The following PRKN variants were observed in gnomAD, a reference collection of about 807,000 sequenced individuals.
PRKN encodes parkin RBR E3 ubiquitin protein ligase.
In PRKN, 56 loss-of-function variants were observed where a neutral mutation model predicts 59.5. That is an observed-to-expected ratio of 0.94 (90% CI 0.76 to 1.18). The LOEUF (loss-of-function observed/expected upper bound fraction) is 1.18, where lower values mean the gene tolerates loss of function less well. PRKN is among the 50% of genes most tolerant of loss of function. The pLI, the probability that PRKN is intolerant of heterozygous loss-of-function variation, is 0.00. For synonymous variants in PRKN, 250 were observed against 222.1 expected (o/e 1.13, Z -1.12); for missense variants, 657 against 596.4 (o/e 1.10, Z -1.06).
At chr6:161,437,179 C>T (rs1206379356) in intron 9 of PRKN, among the ~76,000 whole-genome samples, 1 of 152,144 alleles carries the variant, frequency 6.6e-6, no homozygotes, top group Admixed American at 6.5e-5. Flanking sequence ...GGTGCGAGGA[C>T]CACGACACAA....
chr6:162,185,996 G>T (rs1037373243), intron 4 of PRKN, among the ~76,000 whole-genome samples: 3 of 151,904 alleles, frequency 2.0e-5, no homozygotes, highest in Non-Finnish European at 4.4e-5. Context: ...CATGTGGTTT[G>T]AGAGCCCACC....
At chr6:162,438,829 T>C (rs913713317) in intron 2 of PRKN, among the ~76,000 whole-genome samples, 1 of 152,218 alleles carries the variant, frequency 6.6e-6, no homozygotes. Context: ...TAACTTTATG[T>C]CTCTTGCAAA....
chr6:162,106,383 A>G (rs182924534), intron 4 of PRKN, among the ~76,000 whole-genome samples: 2 of 148,508 alleles, frequency 1.3e-5, no homozygotes, highest in Non-Finnish European at 3.0e-5. Flanking sequence ...AACTGAGGAC[A>G]TGAGAGAGTG....
chr6:161,710,902 C>T (rs917842798), intron 7 of PRKN, among the ~76,000 whole-genome samples: 5 of 131,272 alleles, frequency 3.8e-5, no homozygotes, highest in South Asian at 2.8e-4. Context: ...CCTTTCCTTC[C>T]TCCTCCCTTT....
intron 6 of PRKN, among the ~76,000 whole-genome samples, chr6:161,971,190 C>A (rs1307366743): frequency 2.6e-5 from 4 of 152,082 alleles, no homozygotes; most frequent in Non-Finnish European, 5.9e-5. Context: ...GCAATTATCA[C>A]CCTGTGTATC....
intron 7 of PRKN, among the ~76,000 whole-genome samples, chr6:161,695,394 G>A (rs145848859): frequency 2.6e-5 from 4 of 152,198 alleles, no homozygotes; most frequent in African/African-American, 7.2e-5. Context: ...GGGTTCTTCC[G>A]CTCCTAACAC....
intron 1 of PRKN, among the ~76,000 whole-genome samples, chr6:162,566,066 G>T (rs1241003850): frequency 1.3e-5 from 2 of 152,068 alleles, no homozygotes; most frequent in Admixed American, 6.6e-5. Context: ...CAACACTGGA[G>T]CACCCAGATA....
At chr6:161,358,056 C>T (rs1479457501) in intron 11 of PRKN, among the ~76,000 whole-genome samples, 2 of 152,210 alleles carry the variant, frequency 1.3e-5, no homozygotes, top group African/African-American at 4.8e-5. Context: ...CCTTTAGACA[C>T]TTCGATGATT....
Position 161,347,924 on chromosome 6 carries a change from C to T in PRKN, c.*2175G>A. On this transcript the variant is annotated 3_prime_UTR_variant, in exon 12 of 12. Transcript: ENST00000366898. ...AGCCACCGCGCCCGGCCTGCTCTAA[C>T]TTATTTTAAGAATCACTGTTCTATT... The T allele has an allele frequency of 6.0e-6, 1 of 166,464 alleles. No homozygotes were observed. The highest frequency in any genetic ancestry group is 1.3e-5 in the Non-Finnish European group (1 of 76,340). 10.3% of individuals were successfully genotyped at this position (166,464 alleles called of 1,614,324 possible).
chr6:162,116,232 A>G (rs1032537660), intron 4 of PRKN, among the ~76,000 whole-genome samples: 8 of 152,318 alleles, frequency 5.3e-5, no homozygotes, highest in Admixed American at 3.3e-4. Context: ...TGATTAATAA[A>G]CTGCAGGCCA....
intron 1 of PRKN, among the ~76,000 whole-genome samples, chr6:162,609,424 A>G (rs1476689688): frequency 2.0e-5 from 3 of 152,246 alleles, no homozygotes; most frequent in Non-Finnish European, 4.4e-5. Context: ...ATAGTTTATA[A>G]TCAGAAGAGG....
chr6:162,705,037 T>TA (rs556759967), intron 1 of PRKN, among the ~76,000 whole-genome samples: 24 of 152,216 alleles, frequency 1.6e-4, no homozygotes, highest in Admixed American at 4.6e-4. Context: ...TTTGCTTTTT[T>TA]AAAAAAAATT....
chr6:161,419,434 C>T lies in PRKN; in HGVS notation c.1084-32557G>A, dbSNP rs1319579405. Among the ~76,000 whole-genome samples the T allele has an allele frequency of 6.6e-6, 1 of 151,540 alleles. No individual in the cohort carries two copies. Among genetic ancestry groups the T allele is most frequent in the Non-Finnish European group, 1.5e-5 (1 of 68,000 alleles). ...ATGGAGTCTCGCTCTGTTGCCCAGG[C>T]TGGAGTGCAGTGGTGCCATCTTGGC... On this transcript the variant is annotated intron_variant, in intron 9 of 11. Coordinates refer to ENST00000366898, the MANE Select transcript of PRKN (RefSeq NM_004562.3). This position sits in a 1 kb window ranked among gnomAD's most constrained non-coding sequence, Gnocchi z 4.1.
chr6:162,324,229 G>T (rs189263539), intron 2 of PRKN, among the ~76,000 whole-genome samples: 1 of 152,098 alleles, frequency 6.6e-6, no homozygotes, highest in Admixed American at 6.6e-5. Context: ...TATAGACAAT[G>T]CAAACTAATC....
intron 6 of PRKN, among the ~76,000 whole-genome samples, chr6:161,837,361 G>A (rs185635260): frequency 2.0e-5 from 3 of 152,294 alleles, no homozygotes; most frequent in East Asian, 1.9e-4. Context: ...GCTACTGTCC[G>A]CAAGCAGAGT....
At chr6:162,040,250 G>C (rs1287066565) in intron 5 of PRKN, among the ~76,000 whole-genome samples, 6 of 152,244 alleles carry the variant, frequency 3.9e-5, no homozygotes, top group Admixed American at 2.0e-4. Flanking sequence ...TTGTTTGGGG[G>C]CTGCTAGTGT....
chr6:161,921,275 C>G lies in PRKN; in HGVS notation c.734+52027G>C, dbSNP rs1778777040. ...ATATATTGTCCCACTGGAAGGTCTT[C>G]AGGGGCAATGACATGCATGGACCTG... On this transcript the variant is annotated intron_variant, in intron 6 of 11. Coordinates refer to ENST00000366898, the MANE Select transcript of PRKN (RefSeq NM_004562.3). Among the ~76,000 whole-genome samples, 4 of 152,136 alleles carry G rather than the reference C, an allele frequency of 2.6e-5. No homozygotes were observed. The South Asian group carries it at 6.2e-4, about 24-fold the overall frequency.
intron 1 of PRKN, among the ~76,000 whole-genome samples, chr6:162,541,015 T>C (rs1778905852): frequency 6.6e-6 from 1 of 152,146 alleles, no homozygotes; most frequent in Non-Finnish European, 1.5e-5. Context: ...AGGATTAGAA[T>C]AGAAAGAGGT....
intron 1 of PRKN, among the ~76,000 whole-genome samples, chr6:162,679,107 T>TTTATTTAA: frequency 6.6e-6 from 1 of 150,664 alleles, no homozygotes; most frequent in East Asian, 2.0e-4. Context: ...TATTTATTTA[T>TTTATTTAA]TTATGAATGA....
Sources: gnomAD v4.1 joint callset for allele counts (sites outside exome capture counted in the v4.1 genomes callset) on GRCh38, gnomAD v4.1.1 for gene constraint, Gnocchi (gnomAD v3.1) non-coding constraint, MANE v1.5 for transcripts, NCBI Gene and HGNC (gene_info 2026-07-23, HGNC 2026-07-21) for gene names.